Variants in FAM81A observed in about 807,000 individuals in gnomAD.
FAM81A encodes the protein protein FAM81A.
Under a neutral mutation model 46.7 loss-of-function variants are expected in FAM81A, and 19 were observed. The ratio of observed to expected loss-of-function variants is 0.41; its 90% confidence interval spans 0.28 to 0.60. The LOEUF is 0.60. FAM81A is among the 20% of genes least tolerant of loss of function. The pLI, the probability that FAM81A is intolerant of heterozygous loss-of-function variation, is 0.34. For missense variants in FAM81A, 377 were observed against 453.5 expected (o/e 0.83, Z 1.53); for synonymous variants, 183 against 152.9 (o/e 1.20, Z -1.45).
At chr15:59,463,959 C>G (rs1311454764) in intron 3 of FAM81A, among the ~76,000 whole-genome samples, 9 of 152,150 alleles carry the variant, frequency 5.9e-5, no homozygotes, top group African/African-American at 1.9e-4. Context: ...GTTGCTATAT[C>G]TCCTTCCCTT....
chr15:59,455,499 T>A (rs1028608277), intron 1 of FAM81A, among the ~76,000 whole-genome samples: 14 of 152,198 alleles, frequency 9.2e-5, no homozygotes, highest in Non-Finnish European at 1.5e-5. Flanking sequence ...TGTTATTTAA[T>A]CCTGTGACTT....
chr15:59,462,588 A>T (rs1330835723), intron 3 of FAM81A, among the ~76,000 whole-genome samples: 2 of 152,176 alleles, frequency 1.3e-5, no homozygotes. Flanking sequence ...ATGTTGGGCA[A>T]TCATTATTAC....
intron 2 of FAM81A, among the ~76,000 whole-genome samples, chr15:59,427,664 T>C (rs1002719908): frequency 6.6e-6 from 1 of 152,236 alleles, no homozygotes; most frequent in African/African-American, 2.4e-5. Flanking sequence ...AAAGTTTGTC[T>C]TTCTGTGCCT....
chr15:59,483,099 A>C (rs2141719845), intron 3 of FAM81A, among the ~76,000 whole-genome samples: 1 of 151,842 alleles, frequency 6.6e-6, no homozygotes, highest in Non-Finnish European at 1.5e-5. Flanking sequence ...GTGCAGTGGC[A>C]CAATCTCGGT....
chr15:59,441,689 C>T (rs1248409603), intron 1 of FAM81A, among the ~76,000 whole-genome samples: 2 of 152,234 alleles, frequency 1.3e-5, no homozygotes, highest in Non-Finnish European at 2.9e-5. Flanking sequence ...CCCTGCCCTG[C>T]GTCTCCTGGC....
chr15:59,479,803 G>T (rs1233950276), intron 3 of FAM81A, among the ~76,000 whole-genome samples: 2 of 152,156 alleles, frequency 1.3e-5, no homozygotes. Flanking sequence ...TTGGAGTCTG[G>T]AAATGGGAAG....
At chr15:59,509,207 T>C (rs1326192042) in intron 6 of FAM81A, among the ~76,000 whole-genome samples, 1 of 152,220 alleles carries the variant, frequency 6.6e-6, no homozygotes, top group Non-Finnish European at 1.5e-5. Flanking sequence ...TTCATTGGCC[T>C]AGGGGCTGAG....
Position 59,522,028 on chromosome 15 carries a change from C to T in FAM81A, c.*650C>T, listed in dbSNP as rs1432098747. Reference sequence around the variant, plus strand: ...ATTAAATGGAAACTTATTTAGATAACGTAAGGCTCAATATCTGCGTTGACC... The same window carrying T: ...ATTAAATGGAAACTTATTTAGATAATGTAAGGCTCAATATCTGCGTTGACC... On this transcript the variant is annotated 3_prime_UTR_variant, in exon 9 of 9. Coordinates refer to ENST00000288228, the MANE Select transcript of FAM81A (RefSeq NM_152450.3). 2.0e-5 allele frequency: 3 copies of T among 152,426 alleles called. No individual in the cohort carries two copies. Among genetic ancestry groups the T allele is most frequent in the Non-Finnish European group, 4.4e-5 (3 of 67,996 alleles). The allele number at this position is 152,426 out of a possible 1,614,324, so 9.4% of individuals were successfully genotyped here.
At chr15:59,491,420 G>C (rs780750242) in intron 3 of FAM81A, among the ~76,000 whole-genome samples, 2 of 152,096 alleles carry the variant, frequency 1.3e-5, no homozygotes, top group Non-Finnish European at 2.9e-5. Flanking sequence ...CAGAGGCTGA[G>C]AAGGATAGTG....
intron 2 of FAM81A, among the ~76,000 whole-genome samples, chr15:59,418,513 C>G (rs2081156914): frequency 6.6e-6 from 1 of 152,182 alleles, no homozygotes; most frequent in Non-Finnish European, 1.5e-5. Flanking sequence ...AGAATCTGGT[C>G]TAATCAATAG....
chr15:59,475,796 A>C (rs1419120715), intron 3 of FAM81A, among the ~76,000 whole-genome samples: 1 of 152,240 alleles, frequency 6.6e-6, no homozygotes, highest in African/African-American at 2.4e-5. Context: ...AATTATATTG[A>C]TTTATATGTA....
chr15:59,435,732 G>T (rs1288762744), upstream of FAM81A, among the ~76,000 whole-genome samples: 2 of 152,190 alleles, frequency 1.3e-5, no homozygotes, highest in African/African-American at 4.8e-5. Context: ...CAAGTATATA[G>T]AATTGTTCTC....
intron 6 of FAM81A, 94 bp downstream of exon 6, chr15:59,509,063 C>T: frequency 1.1e-6 from 1 of 942,628 alleles, no homozygotes; most frequent in Admixed American, 2.9e-5. Flanking sequence ...TTATTTATTG[C>T]ACAAATTGAA....
intron 1 of FAM81A, among the ~76,000 whole-genome samples, chr15:59,457,549 A>G (rs1407143708): frequency 1.3e-5 from 2 of 152,242 alleles, no homozygotes; most frequent in African/African-American, 2.4e-5. Flanking sequence ...TACCCCTGAC[A>G]GATGAGGGAG....
intron 1 of FAM81A, among the ~76,000 whole-genome samples, chr15:59,400,051 C>T (rs995635628): frequency 8.5e-5 from 13 of 152,068 alleles, no homozygotes; most frequent in African/African-American, 2.9e-4. Context: ...TAGGAGCTAA[C>T]TTCCTGCCAT....
intron 6 of FAM81A, among the ~76,000 whole-genome samples, chr15:59,509,623 A>G (rs1197947690): frequency 6.6e-6 from 1 of 152,162 alleles, no homozygotes; most frequent in African/African-American, 2.4e-5. Flanking sequence ...CGGGGCAAAG[A>G]ATTCCAAGCC....
At chr15:59,451,359 T>C (rs1440043622) in intron 1 of FAM81A, among the ~76,000 whole-genome samples, 1 of 152,178 alleles carries the variant, frequency 6.6e-6, no homozygotes, top group African/African-American at 2.4e-5. Flanking sequence ...TCTTTACGGC[T>C]AATGTCACTG....
At chr15:59,482,395 A>T (rs187600704) in intron 3 of FAM81A, among the ~76,000 whole-genome samples, 1 of 152,182 alleles carries the variant, frequency 6.6e-6, no homozygotes, top group African/African-American at 2.4e-5. Flanking sequence ...CAGCCTCCTG[A>T]GTAGCTGGGA....
intron 1 of FAM81A, among the ~76,000 whole-genome samples, chr15:59,443,258 AT>A (rs1209306413): frequency 6.6e-6 from 1 of 151,950 alleles, no homozygotes; most frequent in Non-Finnish European, 1.5e-5. Flanking sequence ...AACTTTTGTA[AT>A]TTTGTAGAGA....
Sources: allele counts gnomAD v4.1 joint callset (sites outside exome capture counted in the v4.1 genomes callset), GRCh38; gene constraint gnomAD v4.1.1; transcripts MANE v1.5; gene names NCBI Gene and HGNC (gene_info 2026-07-23, HGNC 2026-07-21).